The following SAMD4A variants were observed in gnomAD, a reference collection of about 807,000 sequenced individuals.
SAMD4A encodes sterile alpha motif domain containing 4A, also known as protein Smaug homolog 1.
SAMD4A carries 33 observed loss-of-function variants against 81.3 expected under a neutral mutation model. The ratio of observed to expected loss-of-function variants is 0.41; its 90% CI spans 0.31 to 0.54. The LOEUF (loss-of-function observed/expected upper bound fraction) is 0.54, where lower values mean the gene tolerates loss of function less well. Among genes scored for constraint, SAMD4A ranks in the 20% least tolerant of loss-of-function variants. The pLI, the probability that SAMD4A is intolerant of heterozygous loss-of-function variation, is 0.37. For missense variants in SAMD4A, 854 were observed against 951.1 expected (o/e 0.90, Z 1.34); for synonymous variants, 389 against 382.1 (o/e 1.02, Z -0.21).
intron 2 of SAMD4A, among the ~76,000 whole-genome samples, chr14:54,606,487 G>C (rs887008211): frequency 8.5e-5 from 13 of 152,172 alleles, no homozygotes; most frequent in African/African-American, 3.1e-4. Flanking sequence ...GTTTGCCCCT[G>C]CACTGTCAGG....
chr14:54,758,604 C>T (rs1191597853), intron 6 of SAMD4A, among the ~76,000 whole-genome samples: 3 of 152,116 alleles, frequency 2.0e-5, no homozygotes, highest in African/African-American at 4.8e-5. Context: ...CTGAGGCGGA[C>T]GGACCACCTG....
At chr14:54,614,922 G>C (rs1232050928) in intron 2 of SAMD4A, among the ~76,000 whole-genome samples, 4 of 152,170 alleles carry the variant, frequency 2.6e-5, no homozygotes, top group Admixed American at 1.3e-4. Context: ...TTTGAGTTCA[G>C]CTCAATCATC....
At chr14:54,568,729 ATATATATATAT>A (rs2033036250) in intron 2 of SAMD4A, among the ~76,000 whole-genome samples, 10 of 129,920 alleles carry the variant, frequency 7.7e-5, no homozygotes, top group Non-Finnish European at 8.3e-5. Context: ...ATATATATAT[ATATATATATAT>A]AATGCGGTTA....
chr14:54,731,537 T>C (rs922330484), intron 3 of SAMD4A, among the ~76,000 whole-genome samples: 2 of 152,246 alleles, frequency 1.3e-5, no homozygotes, highest in Non-Finnish European at 2.9e-5. Context: ...GCATCCTCAT[T>C]CTACCTTTTA....
chr14:54,725,285 G>A (rs1351691673), intron 3 of SAMD4A, among the ~76,000 whole-genome samples: 1 of 152,238 alleles, frequency 6.6e-6, no homozygotes, highest in African/African-American at 2.4e-5. Context: ...CTGAAATTTA[G>A]TGGAAAAGGA....
intron 4 of SAMD4A, among the ~76,000 whole-genome samples, chr14:54,746,920 A>G (rs1162621867): frequency 6.6e-6 from 1 of 152,254 alleles, no homozygotes; most frequent in Non-Finnish European, 1.5e-5. Context: ...AGCTGTAGTT[A>G]AAATCAGTGC....
At chr14:54,622,363 G>A (rs1234998797) in intron 2 of SAMD4A, among the ~76,000 whole-genome samples, 2 of 152,142 alleles carry the variant, frequency 1.3e-5, no homozygotes, top group Non-Finnish European at 2.9e-5. Flanking sequence ...GCCTATCTAG[G>A]GAAGCAGGAT....
chr14:54,751,354 C>T, intron 5 of SAMD4A, 97 bp from the exon 6 acceptor site: 1 of 758,760 alleles, frequency 1.3e-6, no homozygotes, highest in South Asian at 1.8e-5. Flanking sequence ...CATATAGGAG[C>T]AAAGAAGACA....
chr14:54,779,678 C>CTT (rs11306028), intron 11 of SAMD4A, among the ~76,000 whole-genome samples: 18 of 139,326 alleles, frequency 1.3e-4, no homozygotes, highest in African/African-American at 2.7e-4. Flanking sequence ...CATGGACAAG[C>CTT]TTTTTTTTTT....
chr14:54,585,764 C>T (rs1339777404), intron 2 of SAMD4A, among the ~76,000 whole-genome samples: 1 of 152,068 alleles, frequency 6.6e-6, no homozygotes, highest in East Asian at 1.9e-4. Context: ...CTACAAATGC[C>T]ATTATTTAGT....
rs554597832 is a variant in SAMD4A at position 54,720,056 on chromosome 14, C to T, written c.716-16968C>T. On this transcript the variant is annotated intron_variant, in intron 3 of 12. Coordinates refer to ENST00000554335, the MANE Select transcript of SAMD4A (RefSeq NM_015589.6). ...TTCTAATCTCCTTAATGTTTCTTCT[C>T]CTATTTTGTTTTACTTTTAATCTTT... Among the ~76,000 whole-genome samples the T allele has an allele frequency of 7.2e-5, 11 of 152,238 alleles. No homozygotes were observed. The South Asian group carries it at 2.3e-3, about 32-fold the overall frequency.
In SAMD4A at chr14:54,700,992, A is replaced by ATTTTTTTT. The variant is rs1555344776; in HGVS notation, c.197-1070_197-1069insTTTTTTTT. 3 of 121,654 alleles carry ATTTTTTTT rather than the reference A, an allele frequency of 2.5e-5. 1 individual carries two copies. The highest frequency in any genetic ancestry group is 5.9e-5 in the African/African-American group (2 of 33,778). The allele number at this position is 121,654 out of a possible 1,614,324, so 7.5% of individuals were successfully genotyped here. A position where few individuals can be genotyped will look rare whatever the true frequency, so the allele number is the denominator to read the frequency against. On this transcript the variant is annotated intron_variant, in intron 2 of 12. Transcript: ENST00000554335. ...AGTTGCACACCACTGTGAAACGGTG[A>ATTTTTTTT]ATTTTTTTTTTTTTTTTTTTTTTGA...
chr14:54,712,696 A>T (rs2037021429), intron 3 of SAMD4A, among the ~76,000 whole-genome samples: 1 of 152,100 alleles, frequency 6.6e-6, no homozygotes, highest in African/African-American at 2.4e-5. Context: ...CTGCTAGTTG[A>T]TCATGTGTTG....
intron 6 of SAMD4A, among the ~76,000 whole-genome samples, chr14:54,757,508 G>C (rs1404006995): frequency 6.6e-6 from 1 of 151,756 alleles, no homozygotes; most frequent in African/African-American, 2.4e-5. Context: ...TATGTTTCCT[G>C]TTTGAATGCT....
At chr14:54,723,075 C>T (rs572886199) in intron 3 of SAMD4A, among the ~76,000 whole-genome samples, 2 of 146,566 alleles carry the variant, frequency 1.4e-5, no homozygotes, top group African/African-American at 5.0e-5. Context: ...TTCAGAGAGA[C>T]ATTATGGTTA....
At chr14:54,683,193 G>A (rs1408464110) in intron 2 of SAMD4A, among the ~76,000 whole-genome samples, 2 of 152,258 alleles carry the variant, frequency 1.3e-5, no homozygotes, top group Non-Finnish European at 1.5e-5. Flanking sequence ...GAAATAGGGA[G>A]TGGCATTGGA....
chr14:54,646,181 T>C lies in SAMD4A; in HGVS notation c.197-55881T>C, dbSNP rs569524680. Among the ~76,000 whole-genome samples, 13 of 152,336 alleles carry C rather than the reference T, an allele frequency of 8.5e-5. No individual in the cohort carries two copies. The South Asian group carries it at 2.7e-3, about 32-fold the overall frequency. Reference sequence around the variant, plus strand: ...CCTACTTCCTAGGCGCTGCTGAACATTATGTGATTCCATTAATTGTCATAT... The same window carrying C: ...CCTACTTCCTAGGCGCTGCTGAACACTATGTGATTCCATTAATTGTCATAT... On this transcript the variant is annotated intron_variant, in intron 2 of 12. Coordinates refer to ENST00000554335, the MANE Select transcript of SAMD4A (RefSeq NM_015589.6).
chr14:54,710,174 G>A (rs994377977), intron 3 of SAMD4A, among the ~76,000 whole-genome samples: 3 of 152,028 alleles, frequency 2.0e-5, no homozygotes, highest in East Asian at 1.9e-4. Flanking sequence ...CATTTAATCT[G>A]TCCACTTCTA....
chr14:54,700,085 T>C (rs758765077), intron 2 of SAMD4A, among the ~76,000 whole-genome samples: 3 of 152,246 alleles, frequency 2.0e-5, no homozygotes, highest in Admixed American at 6.5e-5. Flanking sequence ...CTCTGGTTTC[T>C]CTATATTTTG....
Sources: gnomAD v4.1 joint callset for allele counts (sites outside exome capture counted in the v4.1 genomes callset) on GRCh38, gnomAD v4.1.1 for gene constraint, MANE v1.5 for transcripts, NCBI Gene and HGNC (gene_info 2026-07-23, HGNC 2026-07-21) for gene names.